The following ZNF804B variants were observed in gnomAD, a reference collection of about 807,000 sequenced individuals.
The protein encoded by ZNF804B is zinc finger protein 804B.
In ZNF804B, 80 loss-of-function variants were observed where a neutral mutation model predicts 101.4. The observed-to-expected ratio is 0.79, with a 90% CI of 0.66 to 0.95. ZNF804B has a LOEUF of 0.95. Among genes scored for constraint, ZNF804B ranks in the 40% least tolerant of loss-of-function variants. The pLI is 0.00. For synonymous variants in ZNF804B, 622 were observed against 558.8 expected (o/e 1.11, Z -1.59); for missense variants, 1,673 against 1,561.9 (o/e 1.07, Z -1.20).
chr7:89,259,933 T>C (rs968495425), intron 2 of ZNF804B, among the ~76,000 whole-genome samples: 11 of 150,942 alleles, frequency 7.3e-5, no homozygotes, highest in African/African-American at 2.7e-4. Flanking sequence ...TGTAGTGACC[T>C]GAGATCACAC....
chr7:89,277,954 A>G (rs1790015439), intron 2 of ZNF804B, among the ~76,000 whole-genome samples: 1 of 152,108 alleles, frequency 6.6e-6, no homozygotes, highest in Non-Finnish European at 1.5e-5. Flanking sequence ...GAACTAGTTT[A>G]CAGTCCCACC....
At chr7:89,181,018 A>T (rs570219301) in intron 1 of ZNF804B, among the ~76,000 whole-genome samples, 1 of 150,168 alleles carries the variant, frequency 6.7e-6, no homozygotes, top group South Asian at 2.1e-4. Context: ...GGGCCTTAAA[A>T]CTCTGCCTGG....
intron 1 of ZNF804B, among the ~76,000 whole-genome samples, chr7:89,165,686 G>A (rs555320222): frequency 7.9e-5 from 12 of 152,058 alleles, no homozygotes; most frequent in East Asian, 1.9e-4. Flanking sequence ...CACTTCAAAC[G>A]GAAGATTTGG....
chr7:88,792,464 C>T (rs866289840), intron 1 of ZNF804B, among the ~76,000 whole-genome samples: 3 of 152,060 alleles, frequency 2.0e-5, no homozygotes, highest in Non-Finnish European at 4.4e-5. Flanking sequence ...ATTTATTATC[C>T]ATTATTCTCT....
chr7:89,156,681 G>A (rs1790982907), intron 1 of ZNF804B, among the ~76,000 whole-genome samples: 2 of 151,540 alleles, frequency 1.3e-5, no homozygotes, highest in Admixed American at 1.3e-4. Context: ...AGCAATTTTT[G>A]TTATTTTTAT....
At position 89,136,756 on chromosome 7, in the gene ZNF804B, T is replaced by C. The variant is rs1383825859; in HGVS notation, c.109-81399T>C. 4.3e-5 allele frequency among the ~76,000 whole-genome samples: 6 copies of C among 138,792 alleles called. No individual in the cohort carries two copies. The East Asian group carries it at 7.9e-4, about 18-fold the overall frequency. The allele number at this position is 138,792 out of a possible 152,430, so 91.1% of individuals were successfully genotyped here. ...GTGTGAGTGTGTGTGTGTGTGTGTG[T>C]GTGTGTGTGCGCGCACGTGTGTGAT... On this transcript the variant is annotated intron_variant, in intron 1 of 3. Transcript: ENST00000333190.
intron 1 of ZNF804B, among the ~76,000 whole-genome samples, chr7:88,971,513 T>G (rs1402744184): frequency 2.6e-5 from 4 of 151,636 alleles, no homozygotes; most frequent in African/African-American, 9.7e-5. Flanking sequence ...GTCATACTTG[T>G]TCCATTCACC....
chr7:89,108,114 T>C (rs1228217305), intron 1 of ZNF804B, among the ~76,000 whole-genome samples: 1 of 152,124 alleles, frequency 6.6e-6, no homozygotes, highest in East Asian at 1.9e-4. Context: ...TTTTACTGTA[T>C]GAAAAACAGG....
chr7:89,192,693 C>G (rs1052964076), intron 1 of ZNF804B, among the ~76,000 whole-genome samples: 4 of 151,770 alleles, frequency 2.6e-5, no homozygotes, highest in African/African-American at 7.3e-5. Flanking sequence ...AGCAGGGACA[C>G]AACAAAAAAA....
At chr7:89,116,515 CTA>C (rs1465271725) in intron 1 of ZNF804B, among the ~76,000 whole-genome samples, 3 of 152,304 alleles carry the variant, frequency 2.0e-5, no homozygotes, top group Non-Finnish European at 4.4e-5. Flanking sequence ...TAACCTACAA[CTA>C]TTTCTTGCAT....
intron 1 of ZNF804B, among the ~76,000 whole-genome samples, chr7:89,100,078 A>T (rs537138671): frequency 6.6e-6 from 1 of 152,190 alleles, no homozygotes; most frequent in African/African-American, 2.4e-5. Context: ...TTTTATTGAC[A>T]GTTTTTCCCT....
chr7:88,847,713 A>G (rs191169369), intron 1 of ZNF804B, among the ~76,000 whole-genome samples: 2 of 152,286 alleles, frequency 1.3e-5, no homozygotes, highest in East Asian at 1.9e-4. Context: ...CAGTGGGGAA[A>G]TATGCAAAAT....
At chr7:89,044,495 G>A (rs1220894313) in intron 1 of ZNF804B, among the ~76,000 whole-genome samples, 6 of 152,122 alleles carry the variant, frequency 3.9e-5, no homozygotes, top group Non-Finnish European at 7.4e-5. Flanking sequence ...AACTGTTTGT[G>A]GTGGGGGCTT....
At chr7:89,030,173 T>C (rs904029292) in intron 1 of ZNF804B, among the ~76,000 whole-genome samples, 1 of 152,144 alleles carries the variant, frequency 6.6e-6, no homozygotes, top group African/African-American at 2.4e-5. Flanking sequence ...CCCAGACTGA[T>C]GCCATATTGC....
intron 1 of ZNF804B, among the ~76,000 whole-genome samples, chr7:89,198,833 C>G (rs1306547175): frequency 6.6e-6 from 1 of 151,900 alleles, no homozygotes; most frequent in Non-Finnish European, 1.5e-5. Context: ...AGCAAAAGGT[C>G]ATGTCAGGAT....
At chr7:89,149,661 G>T (rs1301553698) in intron 1 of ZNF804B, among the ~76,000 whole-genome samples, 2 of 151,742 alleles carry the variant, frequency 1.3e-5, no homozygotes, top group Admixed American at 1.3e-4. Flanking sequence ...TAGTGAAAAA[G>T]AATTCTTAAT....
intron 1 of ZNF804B, among the ~76,000 whole-genome samples, chr7:88,833,146 C>CTT (rs1298829988): frequency 7.2e-6 from 1 of 138,266 alleles, no homozygotes; most frequent in Non-Finnish European, 1.6e-5. Context: ...TTCCTTTCTG[C>CTT]TTTTTTTTTT....
chr7:88,823,258 C>T (rs1297109791), intron 1 of ZNF804B, among the ~76,000 whole-genome samples: 1 of 152,014 alleles, frequency 6.6e-6, no homozygotes, highest in African/African-American at 2.4e-5. Flanking sequence ...TATACAAATA[C>T]ATTCAGTGAA....
rs191598070 is a variant in ZNF804B at position 89,121,151 on chromosome 7, G to A, written c.109-97004G>A. ...ACCAGCAGGCTTTTTGCTCCTCAAG[G>A]CTTTATGACACATTGGTAGAGAGCT... On this transcript the variant is annotated intron_variant, in intron 1 of 3. Transcript: ENST00000333190. Among the ~76,000 whole-genome samples the A allele has an allele frequency of 4.5e-4, 68 of 152,286 alleles. 2 individuals are homozygous for A. In the Middle Eastern group the frequency reaches 0.017, roughly 38 times the overall value.
Sources: allele counts gnomAD v4.1 joint callset (sites outside exome capture counted in the v4.1 genomes callset), GRCh38; gene constraint gnomAD v4.1.1; transcripts MANE v1.5; gene names NCBI Gene and HGNC (gene_info 2026-07-23, HGNC 2026-07-21).